The following OTP variants were observed in gnomAD, a reference collection of about 807,000 sequenced individuals.
The protein encoded by OTP is orthopedia homeobox, also known as homeobox protein orthopedia.
In OTP, 5 loss-of-function variants were observed where a neutral mutation model predicts 22.3. The ratio of observed to expected loss-of-function variants is 0.22; its 90% CI spans 0.12 to 0.47. The LOEUF is 0.47. Ranked by LOEUF, OTP falls within the 20% of genes least tolerant of loss-of-function variation. The probability of loss-of-function intolerance (pLI) is 0.99; values close to 1 mark genes in which losing one functional copy is unlikely to be tolerated. For synonymous variants in OTP, 229 were observed against 210.6 expected (o/e 1.09, Z -0.76); for missense variants, 428 against 456.2 (o/e 0.94, Z 0.56).
rs1388819267 is a variant in OTP at position 77,628,771 on chromosome 5, C to A, written c.*1493G>T. The stretch of plus-strand genomic sequence containing the variant: ...ACATTTAACTTGATATAAACTTGTC[C>A]GGAAAAGTCAAATAATATGCTTTAT... On this transcript the variant is annotated 3_prime_UTR_variant, in exon 3 of 3. Transcript: ENST00000306422. 1 of 152,224 alleles carries A rather than the reference C, an allele frequency of 6.6e-6. No homozygotes were observed. The highest frequency in any genetic ancestry group is 2.4e-5 in the African/African-American group (1 of 41,362). The allele number at this position is 152,224 out of a possible 1,614,324, so 9.4% of individuals were successfully genotyped here.
chr5:77,632,864 GT>G (rs1744951866), intron 2 of OTP, among the ~76,000 whole-genome samples: 1 of 152,180 alleles, frequency 6.6e-6, no homozygotes, highest in African/African-American at 2.4e-5. Flanking sequence ...CAATTGAGCT[GT>G]TAGCGGTCTT....
rs757654423 is a variant in OTP at position 77,630,411 on chromosome 5, C to A, written c.831G>T (p.Val277=). The change falls in exon 3 of 3, where the codon GTG becomes GTT. Residue 277 remains valine (V), a synonymous_variant. Coordinates refer to ENST00000306422, the MANE Select transcript of OTP (RefSeq NM_032109.3). ...HLYQPAFPGM[V]PASLPGPSNV... ...TGCTGGGGCCGGGGAGGGAGGCGGG[C>A]ACCATGCCGGGGAAGGCGGGCTGGT... 7.6e-6 allele frequency: 12 copies of A among 1,581,792 alleles called. No homozygotes were observed. The highest frequency in any genetic ancestry group is 3.6e-5 in the Admixed American group (2 of 55,822).
Position 77,630,216 on chromosome 5 carries a change from G to C in OTP, c.*48C>G. ...GTGCGCGCCGGAAGGGCCTCGGGGC[G>C]GCCCCCGGGGCGGTGCTGGGGGCGG... On this transcript the variant is annotated 3_prime_UTR_variant, in exon 3 of 3. Transcript: ENST00000306422. 7.6e-7 allele frequency: 1 copy of C among 1,307,656 alleles called. No homozygotes were observed. 81.0% of individuals were successfully genotyped at this position (1,307,656 alleles called of 1,614,324 possible).
At chr5:77,634,402 A>G (rs1174596981) in intron 2 of OTP, among the ~76,000 whole-genome samples, 1 of 152,248 alleles carries the variant, frequency 6.6e-6, no homozygotes, top group Non-Finnish European at 1.5e-5. Flanking sequence ...AGATGCTTTA[A>G]TAAATACTTA....
Position 77,638,554 on chromosome 5 carries a change from C to T in OTP, c.-5G>A. Reference sequence around the variant, plus strand: ...GAGGTCGGCATGAGACAGCATCGCGCACCGCTCCAGGGCGAAAGCTGTTCC... The same window carrying T: ...GAGGTCGGCATGAGACAGCATCGCGTACCGCTCCAGGGCGAAAGCTGTTCC... On this transcript the variant is annotated 5_prime_UTR_variant, in exon 1 of 3. Transcript: ENST00000306422. The T allele has an allele frequency of 6.4e-7, 1 of 1,567,582 alleles. No homozygotes were observed. Among genetic ancestry groups the T allele is most frequent in the Non-Finnish European group, 8.6e-7 (1 of 1,160,828 alleles).
chr5:77,632,165 G>T (rs977614600), intron 2 of OTP, among the ~76,000 whole-genome samples: 1 of 151,612 alleles, frequency 6.6e-6, no homozygotes, highest in Non-Finnish European at 1.5e-5. Flanking sequence ...ATTTGCCTAG[G>T]CATGTCAAAC....
chr5:77,633,642 C>A (rs1187597382), intron 2 of OTP, among the ~76,000 whole-genome samples: 1 of 152,108 alleles, frequency 6.6e-6, no homozygotes, highest in African/African-American at 2.4e-5. Context: ...ATCTAAAAAT[C>A]CACTTTCATG....
At position 77,629,243 on chromosome 5, in the gene OTP, T is replaced by C. The variant is rs1474945755; in HGVS notation, c.*1021A>G. On this transcript the variant is annotated 3_prime_UTR_variant, in exon 3 of 3. Coordinates refer to ENST00000306422, the MANE Select transcript of OTP (RefSeq NM_032109.3). ...TACACGTTTATTTTATTCTTCCTTATAAAGACTTATCAAAATGGGTCAGAT... is the reference window on the plus strand; with the variant it reads ...TACACGTTTATTTTATTCTTCCTTACAAAGACTTATCAAAATGGGTCAGAT... 2 of 152,244 alleles carry C rather than the reference T, an allele frequency of 1.3e-5. No individual in the cohort carries two copies. The highest frequency in any genetic ancestry group is 1.5e-5 in the Non-Finnish European group (1 of 68,046). The allele number at this position is 152,244 out of a possible 1,614,324, so 9.4% of individuals were successfully genotyped here. A position where few individuals can be genotyped will look rare whatever the true frequency, so the allele number is the denominator to read the frequency against.
intron 2 of OTP, among the ~76,000 whole-genome samples, chr5:77,634,598 G>T (rs1744979991): frequency 6.6e-6 from 1 of 152,126 alleles, no homozygotes; most frequent in Non-Finnish European, 1.5e-5. Context: ...AGAAAACTAT[G>T]AAGTATTGAT....
chr5:77,630,392 GGCCGGGGAGGGAGGCGGGCACCAT>G lies in OTP; in HGVS notation c.826_849del (p.Met276_Gly283del). 1 of 1,580,264 alleles carries G rather than the reference GGCCGGGGAGGGAGGCGGGCACCAT, an allele frequency of 6.3e-7. No individual in the cohort carries two copies. The highest frequency in any genetic ancestry group is 8.6e-7 in the Non-Finnish European group (1 of 1,166,532). On this transcript the variant is annotated inframe_deletion, in exon 3 of 3. Transcript: ENST00000306422. ...TGGGGCGAACCGGAGACGTTGCTGGGGCCGGGGAGGGAGGCGGGCACCATGCCGGGGAAGGCGGGCTGGTAGAGG... is the reference window on the plus strand; with the variant it reads ...TGGGGCGAACCGGAGACGTTGCTGGGGCCGGGGAAGGCGGGCTGGTAGAGG...
At position 77,636,599 on chromosome 5, in the gene OTP, G is replaced by T. The variant is rs1745011122; in HGVS notation, c.447+222C>A. On this transcript the variant is annotated intron_variant, in intron 2 of 2. Coordinates refer to ENST00000306422, the MANE Select transcript of OTP (RefSeq NM_032109.3). ...GCTTCGATTTTGAGGAGCTTCTTCC[G>T]GGATGTCGCTATACTGGCCGGAGAC... 6 of 454,882 alleles carry T rather than the reference G, an allele frequency of 1.3e-5. No homozygotes were observed. In the South Asian group the frequency reaches 3.0e-4, roughly 23 times the overall value. The allele number at this position is 454,882 out of a possible 1,614,324, so 28.2% of individuals were successfully genotyped here. A position where few individuals can be genotyped will look rare whatever the true frequency, so the allele number is the denominator to read the frequency against.
chr5:77,630,780 G>A lies in OTP; in HGVS notation c.462C>T (p.Asn154=), dbSNP rs997930290. Residue 154 remains asparagine, a synonymous_variant, in exon 3 of 3, where the codon AAC becomes AAT. Transcript: ENST00000306422. ...TGCGCTTCTTCCACTTGGCGCGTCGGTTCTGGAACCAGACCTGGAGCGGGC... is the reference window on the plus strand; with the variant it reads ...TGCGCTTCTTCCACTTGGCGCGTCGATTCTGGAACCAGACCTGGAGCGGGC... ...TESRVQVWFQ[N]RRAKWKKRKK... is the part of the protein sequence containing the mutation. The A allele has an allele frequency of 3.8e-6, 6 of 1,568,186 alleles. No individual in the cohort carries two copies. The South Asian group carries it at 5.7e-5, about 15-fold the overall frequency.
intron 2 of OTP, among the ~76,000 whole-genome samples, chr5:77,631,551 CT>C (rs70988699): frequency 0.11 from 8,016 of 74,202 alleles, 127 homozygotes; most frequent in African/African-American, 0.18. Flanking sequence ...CAACCCTATT[CT>C]TTTTTTTTTT....
intron 2 of OTP, among the ~76,000 whole-genome samples, chr5:77,634,834 GTC>G (rs1188966444): frequency 6.6e-6 from 1 of 152,102 alleles, no homozygotes; most frequent in African/African-American, 2.4e-5. Flanking sequence ...ATTAAATTGT[GTC>G]TATCAGCAGG....
intron 2 of OTP, among the ~76,000 whole-genome samples, chr5:77,632,905 A>C (rs868860825): frequency 6.6e-6 from 1 of 152,108 alleles, no homozygotes; most frequent in Non-Finnish European, 1.5e-5. Context: ...GGAGGAAAGG[A>C]AGGCACAGCG....
chr5:77,633,067 C>T (rs1382143926), intron 2 of OTP, among the ~76,000 whole-genome samples: 2 of 152,050 alleles, frequency 1.3e-5, no homozygotes, highest in African/African-American at 2.4e-5. Context: ...AAATCAAGAC[C>T]GGTTCCTAAC....
Position 77,630,101 on chromosome 5 carries a change from G to C in OTP, c.*163C>G. 2.9e-6 allele frequency: 1 copy of C among 339,630 alleles called. No individual in the cohort carries two copies. The highest frequency in any genetic ancestry group is 5.0e-6 in the Non-Finnish European group (1 of 198,672). 21.0% of individuals were successfully genotyped at this position (339,630 alleles called of 1,614,324 possible). A position where few individuals can be genotyped will look rare whatever the true frequency, so the allele number is the denominator to read the frequency against. On this transcript the variant is annotated 3_prime_UTR_variant, in exon 3 of 3. Coordinates refer to ENST00000306422, the MANE Select transcript of OTP (RefSeq NM_032109.3). ...GGAGGCCTCGCGGGCTGGGGCTTGG[G>C]GTGAGCCCGAGCGAGTGGAGGAGAG... is the stretch of plus-strand genomic sequence containing the variant.
In OTP at chr5:77,628,864, T is replaced by A. The variant is rs1744874696; in HGVS notation, c.*1400A>T. The A allele has an allele frequency of 6.6e-6, 1 of 152,638 alleles. No homozygotes were observed. Among genetic ancestry groups the A allele is most frequent in the African/African-American group, 2.4e-5 (1 of 41,446 alleles). The allele number at this position is 152,638 out of a possible 1,614,324, so 9.5% of individuals were successfully genotyped here. A position where few individuals can be genotyped will look rare whatever the true frequency, so the allele number is the denominator to read the frequency against. Reference sequence around the variant, plus strand: ...AACACAGACATTAAGTTAAAACATATCACAAATTGACCAGTATGTAACAAG... The same window carrying A: ...AACACAGACATTAAGTTAAAACATAACACAAATTGACCAGTATGTAACAAG... On this transcript the variant is annotated 3_prime_UTR_variant, in exon 3 of 3. Coordinates refer to ENST00000306422, the MANE Select transcript of OTP (RefSeq NM_032109.3).
At chr5:77,636,511 G>A (rs1745009574) in intron 2 of OTP, 1 of 334,676 alleles carries the variant, frequency 3.0e-6, no homozygotes, top group Admixed American at 4.5e-5. Context: ...TGGGCCGCCC[G>A]GGGGGGCGCT....
Sources: gnomAD v4.1 joint callset for allele counts (sites outside exome capture counted in the v4.1 genomes callset) on GRCh38, gnomAD v4.1.1 for gene constraint, MANE v1.5 for transcripts, NCBI Gene and HGNC (gene_info 2026-07-23, HGNC 2026-07-21) for gene names.